GLI3: variants seen among roughly 807,000 people sequenced by gnomAD.
GLI3 encodes GLI family zinc finger 3.
GLI3 carries 20 observed loss-of-function variants against 100.8 expected under a neutral mutation model. The ratio of observed to expected loss-of-function variants is 0.20; its 90% CI spans 0.14 to 0.29. The LOEUF (loss-of-function observed/expected upper bound fraction) is 0.29. GLI3 is among the 10% of genes least tolerant of loss of function. GLI3 has a pLI of 1.00. For missense variants in GLI3, 2,040 were observed against 2,128.5 expected (o/e 0.96, Z 0.82); for synonymous variants, 938 against 860.5 (o/e 1.09, Z -1.58).
At chr7:41,990,327 C>CCTAA (rs1787948872) in intron 10 of GLI3, among the ~76,000 whole-genome samples, 2 of 152,010 alleles carry the variant, frequency 1.3e-5, no homozygotes, top group South Asian at 4.2e-4. Flanking sequence ...CCACATGAAG[C>CCTAA]CTAAGCATAT....
At chr7:41,991,508 G>A (rs9648517) in intron 10 of GLI3, among the ~76,000 whole-genome samples, 22,556 of 152,054 alleles carry the variant, frequency 0.15, 2,264 homozygotes, top group East Asian at 0.41. Context: ...CTCCATACAC[G>A]CAATATGAGT....
At chr7:42,118,717 C>A (rs556395176) in intron 3 of GLI3, among the ~76,000 whole-genome samples, 151 of 152,266 alleles carry the variant, frequency 9.9e-4, no homozygotes, top group African/African-American at 3.6e-3. Flanking sequence ...GCCAGGGGGC[C>A]CAGTGGCCTT....
intron 3 of GLI3, among the ~76,000 whole-genome samples, chr7:42,092,938 T>G (rs1437617971): frequency 1.3e-5 from 2 of 151,632 alleles, no homozygotes; most frequent in Non-Finnish European, 2.9e-5. Context: ...CTCAGCCTCC[T>G]GAGTAACTGG....
chr7:41,993,301 T>C (rs909728642), intron 10 of GLI3, among the ~76,000 whole-genome samples: 8 of 152,288 alleles, frequency 5.3e-5, no homozygotes, highest in African/African-American at 1.7e-4. Context: ...GCTGGAGACG[T>C]GTGGTCACGT....
chr7:42,010,967 A>G (rs1343925161), intron 10 of GLI3, among the ~76,000 whole-genome samples: 1 of 152,248 alleles, frequency 6.6e-6, no homozygotes, highest in Non-Finnish European at 1.5e-5. Context: ...GATTATGTTC[A>G]TTCCTACAGA....
intron 4 of GLI3, among the ~76,000 whole-genome samples, chr7:42,049,860 G>A (rs1489467472): frequency 6.6e-6 from 1 of 152,190 alleles, no homozygotes; most frequent in Non-Finnish European, 1.5e-5. Flanking sequence ...GGAAGGGGAG[G>A]CCCTGATAGA....
At chr7:42,155,363 C>A (rs1786976673) in intron 2 of GLI3, among the ~76,000 whole-genome samples, 2 of 151,578 alleles carry the variant, frequency 1.3e-5, no homozygotes. Context: ...CGCTTGAACC[C>A]AGGAGGCGGA....
chr7:42,261,245 A>G (rs900347394), intron 1 of GLI3, among the ~76,000 whole-genome samples: 1 of 151,642 alleles, frequency 6.6e-6, no homozygotes, highest in Non-Finnish European at 1.5e-5. Flanking sequence ...GAGAGAGATT[A>G]TGGGGTGCGG....
At chr7:42,123,870 C>T (rs699502) in intron 3 of GLI3, among the ~76,000 whole-genome samples, 55,972 of 152,020 alleles carry the variant, frequency 0.37, 12,724 homozygotes, top group African/African-American at 0.64. Context: ...AAACACAGAA[C>T]CTAAGATCCA....
chr7:42,145,395 A>G (rs1040696379), intron 3 of GLI3: 4 of 396,556 alleles, frequency 1.0e-5, no homozygotes, highest in African/African-American at 8.2e-5. Flanking sequence ...AAATGTTAAC[A>G]CTTCTCAAAC....
intron 4 of GLI3, among the ~76,000 whole-genome samples, chr7:42,064,737 G>A (rs1248390771): frequency 6.6e-6 from 1 of 152,136 alleles, no homozygotes; most frequent in Non-Finnish European, 1.5e-5. Context: ...GCTCACTGGG[G>A]GTTCTGTTTG....
intron 10 of GLI3, among the ~76,000 whole-genome samples, chr7:42,016,259 A>C (rs1317894717): frequency 6.6e-6 from 1 of 152,196 alleles, no homozygotes; most frequent in Non-Finnish European, 1.5e-5. Flanking sequence ...AGAAAAGCAC[A>C]AGGAAGAACC....
At chr7:42,093,418 A>G (rs947109756) in intron 3 of GLI3, among the ~76,000 whole-genome samples, 2 of 151,468 alleles carry the variant, frequency 1.3e-5, no homozygotes, top group African/African-American at 2.4e-5. Context: ...TCTTTTCTAC[A>G]TAAGAAACAC....
chr7:42,067,639 T>C (rs535847625), intron 4 of GLI3, among the ~76,000 whole-genome samples: 2 of 152,318 alleles, frequency 1.3e-5, no homozygotes, highest in African/African-American at 4.8e-5. Flanking sequence ...TCATTTACTG[T>C]GCCCAGTTAA....
chr7:42,171,191 C>CT (rs1338457141), intron 2 of GLI3, among the ~76,000 whole-genome samples: 2 of 152,196 alleles, frequency 1.3e-5, no homozygotes, highest in Non-Finnish European at 2.9e-5. Flanking sequence ...GTTCAGAAGT[C>CT]TGTATGAGAT....
At chr7:42,230,913 T>C (rs1464687143) in intron 1 of GLI3, among the ~76,000 whole-genome samples, 1 of 152,248 alleles carries the variant, frequency 6.6e-6, no homozygotes, top group Non-Finnish European at 1.5e-5. Context: ...TATCAGTCTA[T>C]AGATCAGCTA....
intron 3 of GLI3, among the ~76,000 whole-genome samples, chr7:42,135,623 C>T (rs1786409469): frequency 6.6e-6 from 1 of 152,200 alleles, no homozygotes; most frequent in African/African-American, 2.4e-5. Flanking sequence ...CTTGGCCTTC[C>T]TTAGCATATA....
At chr7:41,984,987 A>G (rs1201160588) in intron 10 of GLI3, among the ~76,000 whole-genome samples, 1 of 152,260 alleles carries the variant, frequency 6.6e-6, no homozygotes. Flanking sequence ...AGAAAATAGA[A>G]TAAGGGCTTA....
chr7:42,068,741 G>A (rs1784725417), intron 4 of GLI3, among the ~76,000 whole-genome samples: 1 of 152,128 alleles, frequency 6.6e-6, no homozygotes, highest in African/African-American at 2.4e-5. Context: ...ATAGGAAATG[G>A]CATGTCTTTG....
Sources: gnomAD v4.1 joint callset for allele counts (sites outside exome capture counted in the v4.1 genomes callset) on GRCh38, gnomAD v4.1.1 for gene constraint, MANE v1.5 for transcripts, NCBI Gene and HGNC (gene_info 2026-07-23, HGNC 2026-07-21) for gene names.